Variants in SDHC observed in about 807,000 individuals in gnomAD.
The protein encoded by SDHC is succinate dehydrogenase cytochrome b560 subunit, mitochondrial.
A neutral mutation model predicts 22.6 loss-of-function variants in SDHC; 11 were observed. That is an observed-to-expected ratio of 0.49 (90% CI 0.31 to 0.81). The LOEUF is 0.81. SDHC is among the 30% of genes least tolerant of loss of function. The pLI is 0.05. For missense variants in SDHC, 160 were observed against 212.0 expected, an observed-to-expected ratio of 0.75 and a Z score of 1.52; for synonymous variants, 80 against 77.8, an observed-to-expected ratio of 1.03 and a Z score of -0.15.
At chr1:161,320,957 G>A (rs1336838939) in intron 1 of SDHC, among the ~76,000 whole-genome samples, 1 of 151,358 alleles carries the variant, frequency 6.6e-6, no homozygotes, top group Non-Finnish European at 1.5e-5. Flanking sequence ...CTCCCGAGTA[G>A]CTGGGATCAC....
intron 4 of SDHC, among the ~76,000 whole-genome samples, chr1:161,354,089 A>T (rs1367357187): frequency 6.6e-6 from 1 of 151,942 alleles, no homozygotes; most frequent in African/African-American, 2.4e-5. Flanking sequence ...GGGCCCGAGT[A>T]ATCCTCCCAC....
intron 5 of SDHC, among the ~76,000 whole-genome samples, chr1:161,358,009 G>T (rs1672348396): frequency 6.7e-6 from 1 of 148,248 alleles, no homozygotes; most frequent in Non-Finnish European, 1.5e-5. Flanking sequence ...AGAATTCCAG[G>T]TTTCAATATT....
chr1:161,341,763 A>C (rs1671724903), intron 4 of SDHC, among the ~76,000 whole-genome samples: 1 of 152,230 alleles, frequency 6.6e-6, no homozygotes, highest in African/African-American at 2.4e-5. Flanking sequence ...TGTTCCCTGG[A>C]TACATGCTCT....
chr1:161,350,104 T>G (rs1672051193), intron 4 of SDHC, among the ~76,000 whole-genome samples: 1 of 152,160 alleles, frequency 6.6e-6, no homozygotes, highest in Non-Finnish European at 1.5e-5. Flanking sequence ...GAGACGGGGT[T>G]TCACCATGTT....
chr1:161,327,929 C>T (rs1420199691), intron 2 of SDHC, among the ~76,000 whole-genome samples: 5 of 151,032 alleles, frequency 3.3e-5, no homozygotes, highest in South Asian at 2.1e-4. Flanking sequence ...AAGATGGAGT[C>T]GATTTTAAAA....
chr1:161,356,263 G>T (rs556863102), intron 4 of SDHC, among the ~76,000 whole-genome samples: 2 of 152,244 alleles, frequency 1.3e-5, no homozygotes, highest in East Asian at 1.9e-4. Context: ...TCAAGGCCGG[G>T]TGCAGTGGCT....
intron 4 of SDHC, among the ~76,000 whole-genome samples, chr1:161,354,761 G>T (rs554578712): frequency 6.9e-4 from 104 of 151,090 alleles, no homozygotes; most frequent in Non-Finnish European, 1.3e-3. Flanking sequence ...CCAGGCTGGA[G>T]TGCAGTGGTG....
intron 1 of SDHC, among the ~76,000 whole-genome samples, chr1:161,318,838 A>G (rs1437876483): frequency 1.3e-5 from 2 of 151,958 alleles, no homozygotes; most frequent in Non-Finnish European, 2.9e-5. Context: ...GTTCAAGACC[A>G]GCCTGACCAA....
intron 1 of SDHC, among the ~76,000 whole-genome samples, chr1:161,320,907 A>G (rs1343546770): frequency 6.8e-6 from 1 of 147,448 alleles, no homozygotes; most frequent in African/African-American, 2.6e-5. Flanking sequence ...GCTCACTGCA[A>G]CCTCTGCCTC....
intron 1 of SDHC, among the ~76,000 whole-genome samples, chr1:161,322,707 T>C (rs1356923166): frequency 2.0e-5 from 3 of 151,796 alleles, no homozygotes; most frequent in African/African-American, 4.8e-5. Flanking sequence ...GCTCGTATTA[T>C]AGGTGTGCAC....
chr1:161,336,449 G>A (rs113493294), intron 3 of SDHC, among the ~76,000 whole-genome samples: 17,612 of 149,660 alleles, frequency 0.12, 1,396 homozygotes, highest in African/African-American at 0.22. Context: ...GCAAGGCTCC[G>A]TTTCAAAAAA....
At position 161,362,814 on chromosome 1, in the gene SDHC, G is replaced by A. The variant is rs1250023738; in HGVS notation, c.*381G>A. ...GGCTTCTGCCCTGGGGATGGGCCGG[G>A]TTGGGGGGTGGGTTGGTGAGGCTTT... On this transcript the variant is annotated 3_prime_UTR_variant, in exon 6 of 6. Coordinates refer to ENST00000367975, the MANE Select transcript of SDHC (RefSeq NM_003001.5). 2.1e-6 allele frequency: 1 copy of A among 473,122 alleles called. No homozygotes were observed. The highest frequency in any genetic ancestry group is 3.9e-6 in the Non-Finnish European group (1 of 258,762). 29.3% of individuals were successfully genotyped at this position (473,122 alleles called of 1,614,324 possible). A position where few individuals can be genotyped will look rare whatever the true frequency, so the allele number is the denominator to read the frequency against.
intron 2 of SDHC, chr1:161,326,749 C>G (rs1671070263): frequency 6.6e-6 from 1 of 151,686 alleles, no homozygotes; most frequent in Admixed American, 6.6e-5. Context: ...CCTCAGCCTC[C>G]TAAGTAGCCG....
intron 3 of SDHC, chr1:161,339,439 TC>T: frequency 2.7e-6 from 1 of 375,792 alleles, no homozygotes; most frequent in South Asian, 2.6e-5. Flanking sequence ...CGCCTTGGCC[TC>T]CCAAAGTACT....
rs768273090 is a variant in SDHC at position 161,356,744 on chromosome 1, G to A, written c.309G>A (p.Val103=). The change falls in exon 5 of 6, where the codon GTG becomes GTA. Residue 103 remains valine (V), a synonymous_variant. Transcript: ENST00000367975. The stretch of plus-strand genomic sequence containing the variant: ...ACTTTGAGTCTTATTTGGAACTTGT[G>A]AAGTCCCTGTGTCTGGGGCCAGCAC... ...PGNFESYLEL[V]KSLCLGPALI... 7 of 1,613,916 alleles carry A rather than the reference G, an allele frequency of 4.3e-6. No individual in the cohort carries two copies. The highest frequency in any genetic ancestry group is 5.1e-6 in the Non-Finnish European group (6 of 1,179,998).
intron 1 of SDHC, among the ~76,000 whole-genome samples, chr1:161,315,938 G>A (rs995688717): frequency 6.6e-6 from 1 of 152,136 alleles, no homozygotes; most frequent in South Asian, 2.1e-4. Context: ...TAGGATAATA[G>A]TGGAGAGAAG....
At chr1:161,330,579 G>A (rs937068352) in intron 3 of SDHC, among the ~76,000 whole-genome samples, 1 of 152,206 alleles carries the variant, frequency 6.6e-6, no homozygotes, top group Non-Finnish European at 1.5e-5. Context: ...TGCTTTTGCA[G>A]CTGAGTCATT....
intron 1 of SDHC, among the ~76,000 whole-genome samples, chr1:161,315,880 A>G (rs1401692983): frequency 6.6e-6 from 1 of 152,134 alleles, no homozygotes; most frequent in Admixed American, 6.5e-5. Context: ...CTTAGTATTT[A>G]TTGATCATTA....
At chr1:161,356,947 C>A in intron 5 of SDHC, 107 bp downstream of exon 5, 1 of 1,194,862 alleles carries the variant, frequency 8.4e-7, no homozygotes. Context: ...TTTTTTTTCC[C>A]AAGAGTGGAG....
Sources: gnomAD v4.1 joint callset for allele counts (sites outside exome capture counted in the v4.1 genomes callset) on GRCh38, gnomAD v4.1.1 for gene constraint, MANE v1.5 for transcripts, NCBI Gene and HGNC (gene_info 2026-07-23, HGNC 2026-07-21) for gene names.